The following MXRA7 variants were observed in gnomAD, a reference collection of about 807,000 sequenced individuals.
MXRA7 encodes the protein matrix-remodeling-associated protein 7.
Under a neutral mutation model 17.4 loss-of-function variants are expected in MXRA7, and 18 were observed. The observed-to-expected ratio is 1.03, with a 90% CI of 0.71 to 1.53. MXRA7 has a LOEUF of 1.53. MXRA7 is among the 40% of genes most tolerant of loss of function. The pLI is 0.00. For synonymous variants in MXRA7, 70 were observed against 101.7 expected (o/e 0.69, Z 1.87); for missense variants, 141 against 209.3 (o/e 0.67, Z 2.01).
chr17:76,691,476 T>C (rs897078353), intron 1 of MXRA7, among the ~76,000 whole-genome samples: 1 of 152,060 alleles, frequency 6.6e-6, no homozygotes, highest in Non-Finnish European at 1.5e-5. Context: ...AGGACCAAAG[T>C]GTGGGGAACG....
At chr17:76,707,070 T>C (rs2076670598) in intron 1 of MXRA7, among the ~76,000 whole-genome samples, 1 of 152,216 alleles carries the variant, frequency 6.6e-6, no homozygotes, top group Admixed American at 6.5e-5. Context: ...AAATTCAGCG[T>C]TGATTCAATA....
intron 1 of MXRA7, among the ~76,000 whole-genome samples, chr17:76,692,629 T>C (rs1476497832): frequency 1.6e-5 from 2 of 127,132 alleles, no homozygotes; most frequent in African/African-American, 2.7e-5. Flanking sequence ...GCCTTACTAG[T>C]ATTGTTAAAA....
chr17:76,701,417 C>T (rs2076590189), intron 1 of MXRA7, among the ~76,000 whole-genome samples: 1 of 151,844 alleles, frequency 6.6e-6, no homozygotes, highest in Non-Finnish European at 1.5e-5. Context: ...AGAAATGAGG[C>T]ACTTGTCAGC....
chr17:76,697,387 G>A (rs1175013823), intron 1 of MXRA7, among the ~76,000 whole-genome samples: 1 of 152,214 alleles, frequency 6.6e-6, no homozygotes, highest in East Asian at 1.9e-4. Flanking sequence ...GTCTGTTGCT[G>A]AAGGTGCCCG....
intron 2 of MXRA7, among the ~76,000 whole-genome samples, chr17:76,687,786 G>GA (rs1448111060): frequency 1.3e-5 from 2 of 152,258 alleles, no homozygotes; most frequent in Non-Finnish European, 2.9e-5. Flanking sequence ...TGTTTGGAGA[G>GA]AATCGTGAAA....
Position 76,710,770 on chromosome 17 carries a change from G to A in MXRA7, c.177C>T (p.Pro59=). ...GCGAGGCCGCCGGCTCGGGGGCGCA[G>A]GGGCGGGACGGCGCCGGGGCCCCGG... is the stretch of plus-strand genomic sequence containing the variant. ...EATGAPAPSR[P]CAPEPAASPA... Residue 59 remains proline, a synonymous_variant, in exon 1 of 4, where the codon CCC becomes CCT. Coordinates refer to ENST00000449428, the MANE Select transcript of MXRA7 (RefSeq NM_198530.4). 1.9e-6 allele frequency: 2 copies of A among 1,030,352 alleles called. No homozygotes were observed. Among genetic ancestry groups the A allele is most frequent in the South Asian group, 4.7e-5 (1 of 21,262 alleles). The allele number at this position is 1,030,352 out of a possible 1,614,324, so 63.8% of individuals were successfully genotyped here.
intron 1 of MXRA7, among the ~76,000 whole-genome samples, chr17:76,706,218 A>AGGCCCACGCTGCCGTCACAG (rs1567990785): frequency 6.7e-3 from 235 of 35,220 alleles, no homozygotes; most frequent in Middle Eastern, 0.016. Flanking sequence ...TGCCATCACA[A>AGGCCCACGCTGCCGTCACAG]AGGCCCACTC....
intron 1 of MXRA7, chr17:76,689,575 T>TCTTCCGG (rs2143628155): frequency 6.6e-6 from 1 of 152,144 alleles, no homozygotes; most frequent in African/African-American, 2.4e-5. Flanking sequence ...GAGGTCGGAG[T>TCTTCCGG]GGGCAGGCCT....
At chr17:76,688,003 A>AC in intron 2 of MXRA7, 110 bp downstream of exon 2, 14 of 641,496 alleles carry the variant, frequency 2.2e-5, no homozygotes, top group Non-Finnish European at 3.3e-5. Context: ...CCACTGTCCC[A>AC]CCCCATCCCT....
chr17:76,679,467 G>A, downstream of MXRA7: 1 of 331,234 alleles, frequency 3.0e-6, no homozygotes, highest in Non-Finnish European at 4.3e-6. Flanking sequence ...TTTGTACTCT[G>A]CTGCAGAGTA....
Position 76,699,636 on chromosome 17 carries a change from G to A in MXRA7, c.342+10969C>T, listed in dbSNP as rs77943982. 9.3e-3 allele frequency among the ~76,000 whole-genome samples: 1,409 copies of A among 152,272 alleles called. 28 individuals carry two copies. Among genetic ancestry groups the A allele is most frequent in the African/African-American group, 0.032 (1,315 of 41,554 alleles). On this transcript the variant is annotated intron_variant, in intron 1 of 3. Coordinates refer to ENST00000449428, the MANE Select transcript of MXRA7 (RefSeq NM_198530.4). ...TCTCCTCGATGGCTAAGAACCGAGG[G>A]TGCCACTGGGTAGGGGTGGTGGGCT...
chr17:76,707,044 C>T (rs555953025), intron 1 of MXRA7, among the ~76,000 whole-genome samples: 21 of 152,198 alleles, frequency 1.4e-4, no homozygotes, highest in Non-Finnish European at 2.4e-4. Context: ...AGCCATCTGC[C>T]GGTATCGTAC....
rs1227394229 is a variant in MXRA7 at position 76,680,270 on chromosome 17, C to T, written c.*597G>A. 2 of 975,310 alleles carry T rather than the reference C, an allele frequency of 2.1e-6. No individual in the cohort carries two copies. The highest frequency in any genetic ancestry group is 5.2e-4 in the Middle Eastern group (1 of 1,918). The allele number at this position is 975,310 out of a possible 1,614,324, so 60.4% of individuals were successfully genotyped here. A position where few individuals can be genotyped will look rare whatever the true frequency, so the allele number is the denominator to read the frequency against. The stretch of plus-strand genomic sequence containing the variant: ...CTAGATGAAAAATAAGGGGAATGGT[C>T]AAGTAAATTCCTGGTACTGGTTCTT... On this transcript the variant is annotated 3_prime_UTR_variant, in exon 4 of 4. Transcript: ENST00000449428.
At chr17:76,693,150 G>A (rs1409122365) in intron 1 of MXRA7, among the ~76,000 whole-genome samples, 12 of 152,292 alleles carry the variant, frequency 7.9e-5, no homozygotes, top group Admixed American at 7.2e-4. Context: ...CTAAGACTCT[G>A]GGGACACCCC....
downstream of MXRA7, among the ~76,000 whole-genome samples, chr17:76,678,771 C>T (rs1448518643): frequency 2.6e-5 from 4 of 152,192 alleles, no homozygotes; most frequent in African/African-American, 7.2e-5. Context: ...GTGGTCTCCA[C>T]GTTCGCTCCC....
At chr17:76,677,730 G>A (rs755640696), downstream of MXRA7, 1 of 1,561,798 alleles carries the variant, frequency 6.4e-7, no homozygotes, top group Non-Finnish European at 8.8e-7. Flanking sequence ...CAAAGAGGAA[G>A]AAGGTGCTCC....
chr17:76,675,790 C>G (rs1001032704), downstream of MXRA7: 11 of 151,772 alleles, frequency 7.2e-5, no homozygotes, highest in Non-Finnish European at 1.5e-4. Flanking sequence ...CAGCAAGAAA[C>G]AAAAGGAATC....
chr17:76,677,379 T>G (rs1369938584), downstream of MXRA7: 3 of 485,816 alleles, frequency 6.2e-6, no homozygotes, highest in Non-Finnish European at 7.3e-6. Context: ...ACCAGAGGGG[T>G]CAGGGACTTT....
intron 1 of MXRA7, among the ~76,000 whole-genome samples, chr17:76,708,139 G>A (rs1051656506): frequency 6.6e-6 from 1 of 152,214 alleles, no homozygotes; most frequent in Admixed American, 6.5e-5. Flanking sequence ...TGCACTAGGG[G>A]ACGCTCCTGA....
Sources: allele counts gnomAD v4.1 joint callset (sites outside exome capture counted in the v4.1 genomes callset), GRCh38; gene constraint gnomAD v4.1.1; transcripts MANE v1.5; gene names NCBI Gene and HGNC (gene_info 2026-07-23, HGNC 2026-07-21).